The following ABCB1 variants were observed in gnomAD, a reference collection of about 807,000 sequenced individuals.
ABCB1 encodes the protein ATP-dependent translocase ABCB1.
ABCB1 carries 69 observed loss-of-function variants against 142.0 expected under a neutral mutation model. The ratio of observed to expected loss-of-function variants is 0.49; its 90% confidence interval spans 0.40 to 0.59. The LOEUF is 0.59. ABCB1 is among the 20% of genes least tolerant of loss of function. The pLI is 0.00. For synonymous variants in ABCB1, 532 were observed against 539.2 expected, an observed-to-expected ratio of 0.99 and a Z score of 0.18; for missense variants, 1,326 against 1,554.7, an observed-to-expected ratio of 0.85 and a Z score of 2.47.
At chr7:87,705,026 A>C (rs1421645274) in intron 1 of ABCB1, among the ~76,000 whole-genome samples, 1 of 152,228 alleles carries the variant, frequency 6.6e-6, no homozygotes, top group Admixed American at 6.5e-5. Context: ...TACAGTATAC[A>C]AGTACACTTG....
At chr7:87,532,293 A>T (rs1271657338) in intron 20 of ABCB1, among the ~76,000 whole-genome samples, 1 of 152,102 alleles carries the variant, frequency 6.6e-6, no homozygotes, top group African/African-American at 2.4e-5. Context: ...TTTTCTGAAA[A>T]GGGGCTGGGT....
chr7:87,632,724 A>G (rs1288615033), intron 1 of ABCB1, among the ~76,000 whole-genome samples: 1 of 152,108 alleles, frequency 6.6e-6, no homozygotes, highest in Non-Finnish European at 1.5e-5. Context: ...TATAAGCTTC[A>G]TTGTTTACAG....
intron 1 of ABCB1, among the ~76,000 whole-genome samples, chr7:87,618,383 A>G (rs1050304415): frequency 1.3e-5 from 2 of 152,212 alleles, no homozygotes; most frequent in Non-Finnish European, 2.9e-5. Flanking sequence ...AAAAATATTT[A>G]TTGAATAAAT....
chr7:87,597,511 C>T (rs557073752), intron 2 of ABCB1, among the ~76,000 whole-genome samples: 55 of 151,966 alleles, frequency 3.6e-4, no homozygotes, highest in African/African-American at 1.3e-3. Flanking sequence ...CATGATAGAA[C>T]CAATAATAGA....
intron 1 of ABCB1, among the ~76,000 whole-genome samples, chr7:87,663,723 A>G (rs1824943077): frequency 6.6e-6 from 1 of 152,182 alleles, no homozygotes; most frequent in African/African-American, 2.4e-5. Flanking sequence ...ATAACAAAAT[A>G]CTACATACTG....
At chr7:87,598,902 G>C (rs1819322739) in intron 2 of ABCB1, among the ~76,000 whole-genome samples, 1 of 152,154 alleles carries the variant, frequency 6.6e-6, no homozygotes, top group Non-Finnish European at 1.5e-5. Context: ...AGACCTGGCT[G>C]AAATTAGCTA....
rs575276858 is a variant in ABCB1 at position 87,697,271 on chromosome 7, G to T, written c.-331+15890C>A. Among the ~76,000 whole-genome samples the T allele has an allele frequency of 2.0e-5, 3 of 152,150 alleles. No homozygotes were observed. The East Asian group carries it at 5.8e-4, about 29-fold the overall frequency. On this transcript the variant is annotated intron_variant, in intron 1 of 28. Coordinates refer to the ABCB1 transcript ENST00000265724. ...TGTATTTTCCCTTGCCTATTTCTCT[G>T]ACTTCTGTTTCCCATATTGTCTTTT...
chr7:87,698,326 C>G lies in ABCB1; in HGVS notation c.-331+14835G>C, dbSNP rs550720530. Among the ~76,000 whole-genome samples, 7 of 152,202 alleles carry G rather than the reference C, an allele frequency of 4.6e-5. 1 individual carries two copies. Among genetic ancestry groups the G allele is most frequent in the African/African-American group, 1.7e-4 (7 of 41,536 alleles). ...CGTGTTAGCCAGGATGGTCTCCTGA[C>G]CACATGATCCTCCCACCTCGGCCTC... On this transcript the variant is annotated intron_variant, in intron 1 of 28. Coordinates refer to the ABCB1 transcript ENST00000265724.
chr7:87,537,685 G>A (rs28381948), intron 19 of ABCB1, among the ~76,000 whole-genome samples: 1 of 152,282 alleles, frequency 6.6e-6, no homozygotes, highest in African/African-American at 2.4e-5. Context: ...GATAAATGTA[G>A]CTCAGGGCAG....
intron 1 of ABCB1, among the ~76,000 whole-genome samples, chr7:87,619,735 C>T (rs1207954668): frequency 2.0e-5 from 3 of 149,768 alleles, no homozygotes; most frequent in Non-Finnish European, 2.9e-5. Context: ...TATATACACA[C>T]ACACAAACAC....
chr7:87,666,756 A>T (rs1249550991), intron 1 of ABCB1, among the ~76,000 whole-genome samples: 1 of 152,024 alleles, frequency 6.6e-6, no homozygotes, highest in East Asian at 1.9e-4. Context: ...TATTTTCCCC[A>T]TTGCTTGTTT....
chr7:87,619,375 C>G (rs1820139916), intron 1 of ABCB1, among the ~76,000 whole-genome samples: 1 of 151,774 alleles, frequency 6.6e-6, no homozygotes, highest in South Asian at 2.1e-4. Flanking sequence ...CCCGTCTCTA[C>G]AAAAAATACA....
chr7:87,684,910 C>CA (rs1013589808), intron 1 of ABCB1, among the ~76,000 whole-genome samples: 5 of 149,910 alleles, frequency 3.3e-5, no homozygotes, highest in Non-Finnish European at 5.9e-5. Flanking sequence ...TACCTGTGTG[C>CA]AAAAAAAAAG....
At chr7:87,617,720 A>G (rs1386145568) in intron 1 of ABCB1, among the ~76,000 whole-genome samples, 2 of 152,194 alleles carry the variant, frequency 1.3e-5, no homozygotes, top group Non-Finnish European at 2.9e-5. Context: ...GTTCTCCACC[A>G]TTCTCCACAT....
chr7:87,563,238 A>AG, intron 7 of ABCB1: 1 of 275,200 alleles, frequency 3.6e-6, no homozygotes, highest in Non-Finnish European at 7.3e-6. Context: ...AAATGTAAAA[A>AG]GAAGAGCTGA....
intron 1 of ABCB1, among the ~76,000 whole-genome samples, chr7:87,613,257 CT>C (rs67823385): frequency 0.24 from 15,636 of 64,580 alleles, 251 homozygotes; most frequent in South Asian, 0.37. Context: ...TCCTTTATTT[CT>C]TTTTTTTTTT....
rs1433103757 is a variant in ABCB1, at chr7:87,515,298, C to T, written c.3215G>A (p.Ser1072Asn). The change falls in exon 25 of 28, where the codon AGT becomes AAT. Residue 1072 changes from serine (S) to asparagine (N), a missense_variant. Physicochemically the swap from Ser to Asn is conservative, Grantham distance 46. Transcript: ENST00000622132. ...GACCACTGTGCTCTTCCCACAGCCA[C>T]TGCTGCCCACCAGAGCCAGCGTCTG... The part of the protein sequence containing the change: ...KGQTLALVGS[S>N]GCGKSTVVQL... 1.9e-6 allele frequency: 3 copies of T among 1,614,120 alleles called. No individual in the cohort carries two copies. The African/African-American group carries it at 4.0e-5, about 22-fold the overall frequency.
intron 4 of ABCB1, among the ~76,000 whole-genome samples, chr7:87,575,173 C>T (rs938512316): frequency 6.6e-6 from 1 of 151,978 alleles, no homozygotes; most frequent in Non-Finnish European, 1.5e-5. Flanking sequence ...TTTATTTGAC[C>T]TAAATACTTC....
At chr7:87,616,115 G>A (rs1820024740) in intron 1 of ABCB1, among the ~76,000 whole-genome samples, 1 of 152,064 alleles carries the variant, frequency 6.6e-6, no homozygotes. Flanking sequence ...AAAATAATAA[G>A]CATCTACCTT....
Sources: gnomAD v4.1 joint callset for allele counts (sites outside exome capture counted in the v4.1 genomes callset) on GRCh38, gnomAD v4.1.1 for gene constraint, MANE v1.5 for transcripts, NCBI Gene and HGNC (gene_info 2026-07-23, HGNC 2026-07-21) for gene names.